Variants in GAS2L3 observed in about 807,000 individuals in gnomAD.
GAS2L3 encodes GAS2-like protein 3.
In GAS2L3, 28 loss-of-function variants were observed where a neutral mutation model predicts 37.0. The observed-to-expected ratio is 0.76, with a 90% CI of 0.56 to 1.04. The LOEUF is 1.04. Among genes scored for constraint, GAS2L3 ranks in the 50% least tolerant of loss-of-function variants. The pLI is 0.00. For synonymous variants in GAS2L3, 290 were observed against 296.6 expected, an observed-to-expected ratio of 0.98 and a Z score of 0.23; for missense variants, 793 against 817.6, an observed-to-expected ratio of 0.97 and a Z score of 0.37.
intron 3 of GAS2L3, among the ~76,000 whole-genome samples, chr12:100,597,396 A>G (rs911457333): frequency 2.0e-5 from 3 of 152,112 alleles, no homozygotes; most frequent in African/African-American, 7.2e-5. Context: ...CAGGATTATA[A>G]TAGAAATAAA....
intron 8 of GAS2L3, among the ~76,000 whole-genome samples, chr12:100,618,911 A>C (rs1304778304): frequency 6.6e-6 from 1 of 152,142 alleles, no homozygotes; most frequent in Non-Finnish European, 1.5e-5. Flanking sequence ...TCTGATTTGC[A>C]AATTATAAGG....
At chr12:100,615,239 C>T (rs999913528) in intron 6 of GAS2L3, among the ~76,000 whole-genome samples, 17 of 152,212 alleles carry the variant, frequency 1.1e-4, no homozygotes, top group Admixed American at 7.8e-4. Context: ...GGTTTTGATT[C>T]GCGTTTCCCT....
Position 100,625,985 on chromosome 12 carries a change from T to G in GAS2L3, c.*1095T>G, listed in dbSNP as rs1347840558. The stretch of plus-strand genomic sequence containing the variant: ...TAGACAGGATATGTTCAAGGTTTTC[T>G]GCACTGTAGGCACAGTCTCTCAAGC... On this transcript the variant is annotated 3_prime_UTR_variant, in exon 10 of 10. Transcript: ENST00000547754. 2 of 152,218 alleles carry G rather than the reference T, an allele frequency of 1.3e-5. No homozygotes were observed. Among genetic ancestry groups the G allele is most frequent in the Non-Finnish European group, 2.9e-5 (2 of 68,038 alleles). The allele number at this position is 152,218 out of a possible 1,614,324, so 9.4% of individuals were successfully genotyped here. A position where few individuals can be genotyped will look rare whatever the true frequency, so the allele number is the denominator to read the frequency against.
At chr12:100,600,616 C>T (rs1015538721) in intron 4 of GAS2L3, 66 bp downstream of exon 4, 22 of 1,271,568 alleles carry the variant, frequency 1.7e-5, no homozygotes, top group Non-Finnish European at 2.3e-5. Flanking sequence ...GAGAGCCTTA[C>T]TCTTTGTCAA....
Position 100,625,877 on chromosome 12 carries a change from C to A in GAS2L3, c.*987C>A, listed in dbSNP as rs2136618821. The A allele has an allele frequency of 6.6e-6, 1 of 152,208 alleles. No individual in the cohort carries two copies. Among genetic ancestry groups the A allele is most frequent in the African/African-American group, 2.4e-5 (1 of 41,540 alleles). 9.4% of individuals were successfully genotyped at this position (152,208 alleles called of 1,614,324 possible). A position where few individuals can be genotyped will look rare whatever the true frequency, so the allele number is the denominator to read the frequency against. ...TGAAATTATTTTTCTCTAGATAGCA[C>A]AATACCAATTTTAATTAATTTCTTC... On this transcript the variant is annotated 3_prime_UTR_variant, in exon 10 of 10. Transcript: ENST00000547754.
chr12:100,599,435 T>C (rs1325494226), intron 3 of GAS2L3, among the ~76,000 whole-genome samples: 2 of 152,190 alleles, frequency 1.3e-5, no homozygotes. Context: ...TGTGGACCAG[T>C]AGGCAAAATT....
At position 100,627,020 on chromosome 12, in the gene GAS2L3, C is replaced by G. The variant is rs1819645694; in HGVS notation, c.*2130C>G. On this transcript the variant is annotated 3_prime_UTR_variant, in exon 10 of 10. Coordinates refer to ENST00000547754, the MANE Select transcript of GAS2L3 (RefSeq NM_174942.3). ...AGGAGGATCGCTTGAACCCGGGAGG[C>G]AGAGGTTGCAGTGAGCCAAGATTGC... 6.7e-6 allele frequency among the ~76,000 whole-genome samples: 1 copy of G among 148,904 alleles called. No individual in the cohort carries two copies. The highest frequency in any genetic ancestry group is 2.5e-5 in the African/African-American group (1 of 40,244).
At chr12:100,591,019 A>C (rs548810288) in intron 1 of GAS2L3, among the ~76,000 whole-genome samples, 1 of 152,284 alleles carries the variant, frequency 6.6e-6, no homozygotes, top group Admixed American at 6.5e-5. Flanking sequence ...AAATCTCACA[A>C]ATCACCACTA....
chr12:100,592,779 G>A (rs1027997938), intron 2 of GAS2L3, among the ~76,000 whole-genome samples: 8 of 152,060 alleles, frequency 5.3e-5, no homozygotes, highest in Non-Finnish European at 1.5e-5. Flanking sequence ...ACTTGGTTAC[G>A]TGAGAGGTCT....
chr12:100,618,818 GCAAA>G (rs1052990217), intron 8 of GAS2L3: 8 of 424,602 alleles, frequency 1.9e-5, no homozygotes, highest in African/African-American at 4.1e-5. Context: ...GAGTGGTGGG[GCAAA>G]CAGATTGGAA....
At chr12:100,575,821 G>A (rs892747647) in intron 1 of GAS2L3, among the ~76,000 whole-genome samples, 2 of 152,024 alleles carry the variant, frequency 1.3e-5, no homozygotes, top group African/African-American at 4.8e-5. Flanking sequence ...CTCAAAGAAG[G>A]GAAATCACTT....
intron 1 of GAS2L3, chr12:100,579,396 A>T (rs1393347298): frequency 2.1e-6 from 2 of 934,478 alleles, no homozygotes; most frequent in South Asian, 1.5e-5. Flanking sequence ...TTCACTCCAG[A>T]CCCATTTAGA....
rs1248021759 is a variant in GAS2L3, at chr12:100,625,752, C to T, written c.*862C>T. On this transcript the variant is annotated 3_prime_UTR_variant, in exon 10 of 10. Coordinates refer to ENST00000547754, the MANE Select transcript of GAS2L3 (RefSeq NM_174942.3). ...CTGTGAGTGCAGACCTGACATTTTA[C>T]ATTAAAATAATGTGAAACATCAGAA... The T allele has an allele frequency of 6.6e-6, 1 of 152,220 alleles. No individual in the cohort carries two copies. Among genetic ancestry groups the T allele is most frequent in the East Asian group, 1.9e-4 (1 of 5,180 alleles). 9.4% of individuals were successfully genotyped at this position (152,220 alleles called of 1,614,324 possible).
intron 2 of GAS2L3, among the ~76,000 whole-genome samples, chr12:100,594,570 A>C (rs1175104562): frequency 6.6e-6 from 1 of 151,960 alleles, no homozygotes; most frequent in Non-Finnish European, 1.5e-5. Flanking sequence ...CTTTTATATG[A>C]GCTAAGTTTT....
At chr12:100,609,070 C>A (rs774393607) in intron 5 of GAS2L3, among the ~76,000 whole-genome samples, 15 of 152,182 alleles carry the variant, frequency 9.9e-5, no homozygotes, top group Non-Finnish European at 2.1e-4. Context: ...GGCCTCCCCT[C>A]TGGCCCAGGC....
At chr12:100,574,519 G>A (rs1371752591) in intron 1 of GAS2L3, among the ~76,000 whole-genome samples, 1 of 152,176 alleles carries the variant, frequency 6.6e-6, no homozygotes, top group Non-Finnish European at 1.5e-5. Flanking sequence ...GTTTTGGAGG[G>A]CGTGCTCCTC....
Position 100,591,726 on chromosome 12 carries a change from CA to C in GAS2L3, c.-151-9del. Reference sequence around the variant, plus strand: ...CCATAAGAAGGAAATGGTCATATTTCATTTTACAGATCAGAACACTGAGGCT... The same window carrying C: ...CCATAAGAAGGAAATGGTCATATTTCTTTTACAGATCAGAACACTGAGGCT... On this transcript the variant is annotated splice_polypyrimidine_tract_variant and intron_variant, in intron 1 of 9. Transcript: ENST00000547754. 6.6e-6 allele frequency: 1 copy of C among 152,084 alleles called. No homozygotes were observed. Among genetic ancestry groups the C allele is most frequent in the South Asian group, 2.1e-4 (1 of 4,828 alleles). The allele number at this position is 152,084 out of a possible 1,614,324, so 9.4% of individuals were successfully genotyped here. A position where few individuals can be genotyped will look rare whatever the true frequency, so the allele number is the denominator to read the frequency against.
At chr12:100,596,414 A>T (rs1399387062) in intron 3 of GAS2L3, among the ~76,000 whole-genome samples, 1 of 151,912 alleles carries the variant, frequency 6.6e-6, no homozygotes, top group African/African-American at 2.4e-5. Context: ...AGATTCTTTC[A>T]TAGTTTGTCT....
chr12:100,590,438 G>C (rs1047024060), intron 1 of GAS2L3, among the ~76,000 whole-genome samples: 1 of 152,194 alleles, frequency 6.6e-6, no homozygotes, highest in African/African-American at 2.4e-5. Flanking sequence ...CATGGATGCG[G>C]TGAACAAGGA....
Sources: allele counts gnomAD v4.1 joint callset (sites outside exome capture counted in the v4.1 genomes callset), GRCh38; gene constraint gnomAD v4.1.1; transcripts MANE v1.5; gene names NCBI Gene and HGNC (gene_info 2026-07-23, HGNC 2026-07-21).